Variants in GALNT14 observed in about 807,000 individuals in gnomAD.
The protein encoded by GALNT14 is polypeptide N-acetylgalactosaminyltransferase 14, also known as UDP-GalNAc:polypeptide N-acetylgalactosaminyltransferase 14.
In GALNT14, 60 loss-of-function variants were observed where a neutral mutation model predicts 77.5. That is an observed-to-expected ratio of 0.77 (90% CI 0.63 to 0.96). The LOEUF (loss-of-function observed/expected upper bound fraction) is 0.96. GALNT14 is among the 40% of genes least tolerant of loss of function. The probability of loss-of-function intolerance (pLI) is 0.00; values close to 1 mark genes in which losing one functional copy is unlikely to be tolerated. For missense variants in GALNT14, 710 were observed against 731.0 expected, an observed-to-expected ratio of 0.97 and a Z score of 0.33; for synonymous variants, 280 against 281.7, an observed-to-expected ratio of 0.99 and a Z score of 0.06.
intron 2 of GALNT14, among the ~76,000 whole-genome samples, chr2:30,967,707 G>A (rs1205459212): frequency 1.3e-5 from 2 of 151,994 alleles, no homozygotes; most frequent in Admixed American, 6.6e-5. Flanking sequence ...TTTCTCAGGG[G>A]AGCACTGCAG....
At chr2:30,924,912 C>T in intron 11 of GALNT14, 89 bp from the exon 12 acceptor site, 1 of 993,296 alleles carries the variant, frequency 1.0e-6, no homozygotes. Context: ...ACTGAGAACA[C>T]AAAGCGCGAC....
the GALNT14 span, among the ~76,000 whole-genome samples, chr2:30,901,482 C>T: frequency 2.0e-5 from 3 of 150,068 alleles, no homozygotes; most frequent in African/African-American, 7.3e-5. Flanking sequence ...TACACAAACA[C>T]ACAACATATA....
intron 13 of GALNT14, among the ~76,000 whole-genome samples, chr2:30,921,791 T>C (rs1008037568): frequency 2.0e-5 from 3 of 152,126 alleles, no homozygotes; most frequent in Non-Finnish European, 4.4e-5. Context: ...TTTGGTCATG[T>C]GTGAGACACT....
At chr2:30,972,918 G>A (rs996159973) in intron 2 of GALNT14, among the ~76,000 whole-genome samples, 2 of 152,192 alleles carry the variant, frequency 1.3e-5, no homozygotes, top group Non-Finnish European at 2.9e-5. Flanking sequence ...TCAGGTGGGC[G>A]AAGATGTGAC....
In GALNT14 at chr2:31,086,992, C is replaced by G. The variant is rs539410603; in HGVS notation, c.129+50966G>C. On this transcript the variant is annotated intron_variant, in intron 1 of 14. Transcript: ENST00000349752. ...TTAATTATGGTAACTGGTAAAAACC[C>G]AAGACCAAACTAAAAAATGAGGCAG... 2.6e-5 allele frequency among the ~76,000 whole-genome samples: 4 copies of G among 152,202 alleles called. No individual in the cohort carries two copies. The East Asian group carries it at 7.7e-4, about 29-fold the overall frequency.
At chr2:31,095,779 GTC>G (rs1676970921) in intron 1 of GALNT14, among the ~76,000 whole-genome samples, 2 of 152,160 alleles carry the variant, frequency 1.3e-5, no homozygotes, top group South Asian at 4.1e-4. Flanking sequence ...GACAAGAAAA[GTC>G]TCTCTGTGTG....
intron 1 of GALNT14, among the ~76,000 whole-genome samples, chr2:31,128,056 A>G (rs866473004): frequency 6.6e-6 from 1 of 152,104 alleles, no homozygotes. Context: ...AAACACCACC[A>G]TGGGCCCAGG....
rs184895995 is a variant in GALNT14, at chr2:30,998,270, T to G, written c.130-5263A>C. Among the ~76,000 whole-genome samples, 847 of 152,302 alleles carry G rather than the reference T, an allele frequency of 5.6e-3. 12 individuals carry two copies. Among genetic ancestry groups the G allele is most frequent in the Admixed American group, 0.026 (403 of 15,304 alleles). On this transcript the variant is annotated intron_variant, in intron 1 of 14. Coordinates refer to ENST00000349752, the MANE Select transcript of GALNT14 (RefSeq NM_024572.4). The stretch of plus-strand genomic sequence containing the variant: ...TCCCACCATGCTTCAAGGAGAAATC[T>G]TGAATCTCCTTTTCTCCTTCCTTCC...
At chr2:31,126,833 C>G (rs1215046838) in intron 1 of GALNT14, 1 of 152,242 alleles carries the variant, frequency 6.6e-6, no homozygotes, top group African/African-American at 2.4e-5. Flanking sequence ...CTTTGGTTAG[C>G]TGGTGCTTGT....
intron 4 of GALNT14, among the ~76,000 whole-genome samples, chr2:30,956,256 G>C (rs544467811): frequency 8.5e-5 from 13 of 152,324 alleles, no homozygotes; most frequent in Admixed American, 7.2e-4. Context: ...GCTTGAAAAT[G>C]TTCCAGGTGG....
chr2:31,123,898 A>G (rs1189597240), intron 1 of GALNT14, among the ~76,000 whole-genome samples: 1 of 152,182 alleles, frequency 6.6e-6, no homozygotes, highest in Non-Finnish European at 1.5e-5. Flanking sequence ...TCCTTCCACC[A>G]TTAAACAGCA....
At chr2:31,099,117 T>A (rs148909344) in intron 1 of GALNT14, among the ~76,000 whole-genome samples, 1 of 152,256 alleles carries the variant, frequency 6.6e-6, no homozygotes, top group Non-Finnish European at 1.5e-5. Flanking sequence ...GAATACACAC[T>A]ATTGTGCAGC....
intron 3 of GALNT14, among the ~76,000 whole-genome samples, chr2:30,959,534 C>G (rs1667562612): frequency 1.3e-5 from 2 of 152,168 alleles, no homozygotes; most frequent in Admixed American, 1.3e-4. Context: ...TACTTTACTG[C>G]TCTGTGCAGC....
At chr2:31,050,964 G>A (rs1034045353) in intron 1 of GALNT14, among the ~76,000 whole-genome samples, 1 of 152,044 alleles carries the variant, frequency 6.6e-6, no homozygotes, top group African/African-American at 2.4e-5. Flanking sequence ...AGAGAGGGGC[G>A]TTCTTCCCAC....
intron 1 of GALNT14, among the ~76,000 whole-genome samples, chr2:31,109,638 T>C (rs1677737584): frequency 6.6e-6 from 1 of 152,222 alleles, no homozygotes; most frequent in Non-Finnish European, 1.5e-5. Context: ...CCTGCGGCAG[T>C]GCGGACAGAT....
rs1032682683 is a variant in GALNT14 at position 31,129,456 on chromosome 2, C to T, written c.129+8502G>A. 1.1e-5 allele frequency: 11 copies of T among 985,350 alleles called. No homozygotes were observed. The African/African-American group carries it at 1.7e-4, about 16-fold the overall frequency. 61.0% of individuals were successfully genotyped at this position (985,350 alleles called of 1,614,324 possible). A position where few individuals can be genotyped will look rare whatever the true frequency, so the allele number is the denominator to read the frequency against. On this transcript the variant is annotated intron_variant, in intron 1 of 14. Coordinates refer to ENST00000349752, the MANE Select transcript of GALNT14 (RefSeq NM_024572.4). ...TCTTCTGATAAAGACCACCTGCCCACCATAAGGACATTAGTCAATTCAGCA... is the reference window on the plus strand; with the variant it reads ...TCTTCTGATAAAGACCACCTGCCCATCATAAGGACATTAGTCAATTCAGCA...
intron 1 of GALNT14, among the ~76,000 whole-genome samples, chr2:31,119,338 A>G (rs1678268315): frequency 6.6e-6 from 1 of 152,226 alleles, no homozygotes; most frequent in South Asian, 2.1e-4. Context: ...TATCAATAAC[A>G]TGCAAAGAGC....
At chr2:30,968,214 G>C (rs1341113495) in intron 2 of GALNT14, among the ~76,000 whole-genome samples, 6 of 152,358 alleles carry the variant, frequency 3.9e-5, no homozygotes, top group East Asian at 1.9e-4. Flanking sequence ...TCCATTGATA[G>C]AGAAAGGGAG....
intron 2 of GALNT14, among the ~76,000 whole-genome samples, chr2:30,966,730 C>G (rs1275910740): frequency 6.6e-6 from 1 of 152,194 alleles, no homozygotes; most frequent in Non-Finnish European, 1.5e-5. Flanking sequence ...AGAGGCTTCA[C>G]TGTGTTCTGG....
Sources: gnomAD v4.1 joint callset for allele counts (sites outside exome capture counted in the v4.1 genomes callset) on GRCh38, gnomAD v4.1.1 for gene constraint, MANE v1.5 for transcripts, NCBI Gene and HGNC (gene_info 2026-07-23, HGNC 2026-07-21) for gene names.